CNBD1: variants seen among roughly 807,000 people sequenced by gnomAD.
CNBD1 encodes the protein cyclic nucleotide-binding domain-containing protein 1.
In CNBD1, 71 loss-of-function variants were observed where a neutral mutation model predicts 54.4. The ratio of observed to expected loss-of-function variants is 1.30; its 90% CI spans 1.08 to 1.59. The LOEUF (loss-of-function observed/expected upper bound fraction) is 1.59. Ranked by LOEUF, CNBD1 falls within the 40% of genes most tolerant of loss-of-function variation. CNBD1 has a pLI of 0.00. For synonymous variants in CNBD1, 182 were observed against 170.7 expected, an observed-to-expected ratio of 1.07 and a Z score of -0.51; for missense variants, 659 against 518.0, an observed-to-expected ratio of 1.27 and a Z score of -2.64.
intron 2 of CNBD1, among the ~76,000 whole-genome samples, chr8:87,406,522 T>G (rs544379522): frequency 6.9e-6 from 1 of 145,444 alleles, no homozygotes; most frequent in Non-Finnish European, 1.5e-5. Flanking sequence ...CTCTGTCACC[T>G]AGGCTGGAGT....
chr8:86,979,574 C>T (rs1424648871), intron 4 of CNBD1, among the ~76,000 whole-genome samples: 1 of 151,858 alleles, frequency 6.6e-6, no homozygotes, highest in Non-Finnish European at 1.5e-5. Flanking sequence ...GAATAAGACC[C>T]CATTTCCAAA....
At chr8:87,413,696 CA>C (rs1807787155) in intron 2 of CNBD1, among the ~76,000 whole-genome samples, 1 of 151,808 alleles carries the variant, frequency 6.6e-6, no homozygotes, top group South Asian at 2.1e-4. Flanking sequence ...GCAACCCCAT[CA>C]AAAAGTGGGT....
At chr8:87,191,950 C>T (rs922807037) in intron 4 of CNBD1, among the ~76,000 whole-genome samples, 8 of 152,022 alleles carry the variant, frequency 5.3e-5, no homozygotes, top group African/African-American at 1.7e-4. Context: ...CTAAATTTGA[C>T]AAGAATTCTA....
intron 4 of CNBD1, among the ~76,000 whole-genome samples, chr8:87,202,005 T>C (rs1813874121): frequency 6.6e-6 from 1 of 152,136 alleles, no homozygotes; most frequent in Non-Finnish European, 1.5e-5. Flanking sequence ...AAGTTCAGCA[T>C]TTAAAATACA....
At chr8:87,396,466 T>C (rs1586077502) in intron 2 of CNBD1, among the ~76,000 whole-genome samples, 1 of 152,048 alleles carries the variant, frequency 6.6e-6, no homozygotes, top group East Asian at 1.9e-4. Context: ...TATAATACTA[T>C]GTATGCCTGT....
intron 8 of CNBD1, among the ~76,000 whole-genome samples, chr8:87,304,499 G>C (rs182383662): frequency 5.5e-4 from 83 of 151,996 alleles, no homozygotes; most frequent in African/African-American, 1.7e-3. Flanking sequence ...GGTGGGGTGA[G>C]GGGGGAGAGA....
chr8:86,946,908 A>C (rs1020124042), intron 4 of CNBD1, among the ~76,000 whole-genome samples: 1 of 152,178 alleles, frequency 6.6e-6, no homozygotes, highest in African/African-American at 2.4e-5. Context: ...AAAATGACTT[A>C]GTTTCACATA....
intron 3 of CNBD1, among the ~76,000 whole-genome samples, chr8:86,939,222 C>A (rs559185003): frequency 6.6e-6 from 1 of 151,576 alleles, no homozygotes; most frequent in South Asian, 2.1e-4. Flanking sequence ...ATCCTTGGTG[C>A]TAAAAAAAAA....
At position 87,163,350 on chromosome 8, in the gene CNBD1, C is replaced by T. The variant is rs776914483; in HGVS notation, c.432-42643C>T. Reference sequence around the variant, plus strand: ...AATTTTAGAATTGTTTTTTCCATTTCTGTAAAAAAAAAAATTAGAATTTTG... The same window carrying T: ...AATTTTAGAATTGTTTTTTCCATTTTTGTAAAAAAAAAAATTAGAATTTTG... On this transcript the variant is annotated intron_variant, in intron 4 of 10. Transcript: ENST00000518476. This position sits in a 1 kb window ranked among gnomAD's most constrained non-coding sequence, Gnocchi z 4.5. Among the ~76,000 whole-genome samples the T allele has an allele frequency of 6.6e-6, 1 of 150,738 alleles. No homozygotes were observed. The highest frequency in any genetic ancestry group is 1.5e-5 in the Non-Finnish European group (1 of 67,676).
At chr8:87,261,763 T>C (rs1293651710) in intron 6 of CNBD1, among the ~76,000 whole-genome samples, 1 of 152,110 alleles carries the variant, frequency 6.6e-6, no homozygotes, top group Non-Finnish European at 1.5e-5. Context: ...AGGTTACAAT[T>C]CATCCACAGG....
intron 6 of CNBD1, among the ~76,000 whole-genome samples, chr8:87,275,338 A>G (rs556206582): frequency 2.6e-5 from 4 of 151,130 alleles, no homozygotes; most frequent in Admixed American, 2.6e-4. Context: ...TGATGGGGAT[A>G]GCATTGAATC....
At chr8:87,372,185 ACAC>A (rs1336714455) in intron 10 of CNBD1, among the ~76,000 whole-genome samples, 7 of 151,774 alleles carry the variant, frequency 4.6e-5, no homozygotes, top group Non-Finnish European at 1.0e-4. Flanking sequence ...GCATTCTTAT[ACAC>A]CAATAACAGA....
chr8:87,281,332 G>A (rs1808593083), intron 6 of CNBD1, among the ~76,000 whole-genome samples: 1 of 150,752 alleles, frequency 6.6e-6, no homozygotes, highest in Non-Finnish European at 1.5e-5. Flanking sequence ...TAAATATTCT[G>A]CCAGTTTAGC....
At chr8:87,024,264 A>T (rs1809573653) in intron 4 of CNBD1, among the ~76,000 whole-genome samples, 1 of 144,606 alleles carries the variant, frequency 6.9e-6, no homozygotes, top group Non-Finnish European at 1.5e-5. Flanking sequence ...AAAAAAAAAA[A>T]GCTATCCAGG....
At chr8:87,408,254 GT>G (rs1451077414) in intron 2 of CNBD1, among the ~76,000 whole-genome samples, 1 of 151,658 alleles carries the variant, frequency 6.6e-6, no homozygotes, top group Non-Finnish European at 1.5e-5. Context: ...TTCTTACATT[GT>G]TTTCTCAGTG....
intron 4 of CNBD1, among the ~76,000 whole-genome samples, chr8:86,984,670 C>T (rs574130189): frequency 6.6e-6 from 1 of 152,268 alleles, no homozygotes; most frequent in Non-Finnish European, 1.5e-5. Context: ...TTGACTGCCC[C>T]ACTGGACTTT....
At chr8:86,892,691 A>G (rs1334071593) in intron 2 of CNBD1, among the ~76,000 whole-genome samples, 1 of 152,164 alleles carries the variant, frequency 6.6e-6, no homozygotes, top group African/African-American at 2.4e-5. Context: ...AGAGTTCGAT[A>G]GAGACAATTA....
chr8:87,411,076 A>G (rs1807733355), intron 2 of CNBD1, among the ~76,000 whole-genome samples: 1 of 151,998 alleles, frequency 6.6e-6, no homozygotes, highest in African/African-American at 2.4e-5. Flanking sequence ...GACTCGCTTT[A>G]TTATGATACT....
At chr8:87,183,273 A>G (rs900683815) in intron 4 of CNBD1, among the ~76,000 whole-genome samples, 1 of 151,544 alleles carries the variant, frequency 6.6e-6, no homozygotes, top group Admixed American at 6.6e-5. Context: ...CTGTTTTTAT[A>G]TCAGTACCAT....
Sources: gnomAD v4.1 joint callset for allele counts (sites outside exome capture counted in the v4.1 genomes callset) on GRCh38, gnomAD v4.1.1 for gene constraint, Gnocchi (gnomAD v3.1) non-coding constraint, MANE v1.5 for transcripts, NCBI Gene and HGNC (gene_info 2026-07-23, HGNC 2026-07-21) for gene names.